Variants in SORBS2 observed in about 807,000 individuals in gnomAD.
SORBS2 encodes sorbin and SH3 domain-containing protein 2.
Under a neutral mutation model 97.7 loss-of-function variants are expected in SORBS2, and 46 were observed. That is an observed-to-expected ratio of 0.47 (90% CI 0.37 to 0.60). The LOEUF is 0.60. Ranked by LOEUF, SORBS2 falls within the 20% of genes least tolerant of loss-of-function variation. The pLI, the probability that SORBS2 is intolerant of heterozygous loss-of-function variation, is 0.00. For synonymous variants in SORBS2, 476 were observed against 473.4 expected (o/e 1.01, Z -0.07); for missense variants, 1,316 against 1,282.3 (o/e 1.03, Z -0.40).
upstream of SORBS2, among the ~76,000 whole-genome samples, chr4:185,661,077 C>A (rs897770936): frequency 3.3e-5 from 5 of 151,862 alleles, no homozygotes; most frequent in Non-Finnish European, 7.4e-5. Context: ...GAGTTCGAGA[C>A]CAACCTGGCC....
intron 1 of SORBS2, among the ~76,000 whole-genome samples, chr4:185,870,987 C>T (rs1394008750): frequency 2.6e-5 from 4 of 152,142 alleles, no homozygotes; most frequent in Non-Finnish European, 4.4e-5. Flanking sequence ...ACTGGACCCT[C>T]GGGCAAGTTT....
intron 14 of SORBS2, 88 bp downstream of exon 26, chr4:185,589,591 G>A (rs750871511): frequency 1.1e-4 from 82 of 768,564 alleles, no homozygotes; most frequent in Non-Finnish European, 1.7e-4. Context: ...TTCAAAGGAA[G>A]CTCGGCCATC....
At chr4:185,760,682 C>T (rs74450942) in intron 2 of SORBS2, among the ~76,000 whole-genome samples, 2 of 152,352 alleles carry the variant, frequency 1.3e-5, no homozygotes, top group East Asian at 3.9e-4. Flanking sequence ...GGCAAAGATA[C>T]ACCACAAAAA....
chr4:185,889,382 G>A (rs769587193), intron 1 of SORBS2, among the ~76,000 whole-genome samples: 2 of 150,964 alleles, frequency 1.3e-5, no homozygotes, highest in Non-Finnish European at 2.9e-5. Context: ...GACTGCTTCC[G>A]ATGCCTCACC....
In SORBS2 at chr4:185,751,190, A is replaced by AAAG; in HGVS notation, c.-198+24036_-198+24037insCTT. 4.7e-4 allele frequency among the ~76,000 whole-genome samples: 41 copies of AAAG among 86,510 alleles called. 2 individuals are homozygous for AAAG. The highest frequency in any genetic ancestry group is 8.6e-4 in the Non-Finnish European group (34 of 39,700). The allele number at this position is 86,510 out of a possible 152,430, so 56.8% of individuals were successfully genotyped here. ...TAAATACTAAAAAAAAAAAAAAAAA[A>AAAG]AGAGAAAGAGAGAGAAATTCAGGAA... On this transcript the variant is annotated intron_variant, in intron 2 of 20. Coordinates refer to the SORBS2 transcript ENST00000284776.
intron 1 of SORBS2, among the ~76,000 whole-genome samples, chr4:185,780,408 C>A (rs574133975): frequency 6.6e-6 from 1 of 152,154 alleles, no homozygotes; most frequent in Non-Finnish European, 1.5e-5. Flanking sequence ...GCTCTGGGCA[C>A]GTAGCAAGCA....
intron 1 of SORBS2, among the ~76,000 whole-genome samples, chr4:185,923,669 C>T (rs1000223635): frequency 6.6e-6 from 1 of 151,722 alleles, no homozygotes; most frequent in African/African-American, 2.4e-5. Flanking sequence ...AATGAGCATT[C>T]GTTTGCACGT....
At chr4:185,730,737 G>C (rs1264039995) in intron 2 of SORBS2, among the ~76,000 whole-genome samples, 1 of 152,222 alleles carries the variant, frequency 6.6e-6, no homozygotes, top group African/African-American at 2.4e-5. Flanking sequence ...TCAGCCCCTA[G>C]AGTCCCAGAG....
intron 1 of SORBS2, among the ~76,000 whole-genome samples, chr4:185,777,951 G>C (rs2099008040): frequency 6.6e-6 from 1 of 152,038 alleles, no homozygotes; most frequent in Non-Finnish European, 1.5e-5. Flanking sequence ...ATAGATTAAT[G>C]TTGTCTCTTC....
At chr4:185,678,281 C>T (rs1210026889) in intron 4 of SORBS2, 142 bp downstream of exon 7, 7 of 697,636 alleles carry the variant, frequency 1.0e-5, no homozygotes, top group Non-Finnish European at 1.5e-5. Flanking sequence ...AAATACAAAC[C>T]TGGCAAGCAA....
intron 2 of SORBS2, among the ~76,000 whole-genome samples, chr4:185,768,039 T>C (rs2098946735): frequency 6.6e-6 from 1 of 152,232 alleles, no homozygotes; most frequent in Non-Finnish European, 1.5e-5. Context: ...TCCTTTGTGA[T>C]AATACCACTG....
At chr4:185,741,293 T>C (rs1248111367) in intron 2 of SORBS2, among the ~76,000 whole-genome samples, 1 of 151,204 alleles carries the variant, frequency 6.6e-6, no homozygotes, top group Non-Finnish European at 1.5e-5. Flanking sequence ...CAGAGGGACA[T>C]GCATGAAAAG....
chr4:185,911,513 C>T (rs1243420480), intron 1 of SORBS2, among the ~76,000 whole-genome samples: 1 of 152,114 alleles, frequency 6.6e-6, no homozygotes, highest in Middle Eastern at 3.2e-3. Flanking sequence ...GCATGAGCCA[C>T]CACGCCCAGC....
chr4:185,630,597 G>T lies in SORBS2; in HGVS notation c.398C>A (p.Ala133Asp), dbSNP rs979518510. Residue 133 changes from alanine (A) to aspartate (D), a missense_variant and splice_region_variant, in exon 5 of 15, where the codon GCC (alanine) becomes GAC (aspartate). Coordinates refer to ENST00000418609, the Ensembl canonical transcript of SORBS2. Reference sequence around the variant, plus strand: ...GTCTATAGAGGACTGATACAAGGAGGCCTGTTAAGATAGGATAATAGTACC... The same window carrying T: ...GTCTATAGAGGACTGATACAAGGAGTCCTGTTAAGATAGGATAATAGTACC... 15 of 1,593,782 alleles carry T rather than the reference G, an allele frequency of 9.4e-6. No individual in the cohort carries two copies. The African/African-American group carries it at 1.8e-4, about 19-fold the overall frequency.
rs889079914 is a variant in SORBS2 at position 185,894,553 on chromosome 4, G to A, written c.-338+61643C>T. Among the ~76,000 whole-genome samples the A allele has an allele frequency of 4.6e-5, 7 of 152,168 alleles. No homozygotes were observed. In the South Asian group the frequency reaches 8.3e-4, roughly 18 times the overall value. ...TCTGTCCATACCAATTACATCACAT[G>A]TTACACTGAAGACTTGACCAGCCGT... is the stretch of plus-strand genomic sequence containing the variant. On this transcript the variant is annotated intron_variant, in intron 1 of 20. Transcript: ENST00000284776.
At chr4:185,809,192 C>CAGTA (rs2099168811) in intron 1 of SORBS2, among the ~76,000 whole-genome samples, 1 of 151,828 alleles carries the variant, frequency 6.6e-6, no homozygotes. Context: ...CTGAGGTTAC[C>CAGTA]AGTACAATGT....
At chr4:185,782,718 A>AGACT (rs1315934608) in intron 1 of SORBS2, among the ~76,000 whole-genome samples, 2 of 152,236 alleles carry the variant, frequency 1.3e-5, no homozygotes, top group African/African-American at 2.4e-5. Context: ...CTGACTGAGA[A>AGACT]GACTGGAGAT....
chr4:185,756,825 C>T (rs994091782), intron 2 of SORBS2, among the ~76,000 whole-genome samples: 8 of 149,422 alleles, frequency 5.4e-5, no homozygotes, highest in African/African-American at 2.0e-4. Flanking sequence ...CCTAAAACAA[C>T]TAAAACAACC....
At chr4:185,802,320 C>T (rs2099134700) in intron 1 of SORBS2, among the ~76,000 whole-genome samples, 3 of 152,176 alleles carry the variant, frequency 2.0e-5, no homozygotes, top group African/African-American at 7.2e-5. Flanking sequence ...CAATGGCTTC[C>T]TGGCTTATTC....
Sources: allele counts gnomAD v4.1 joint callset (sites outside exome capture counted in the v4.1 genomes callset), GRCh38; gene constraint gnomAD v4.1.1; transcripts MANE v1.5; gene names NCBI Gene and HGNC (gene_info 2026-07-23, HGNC 2026-07-21).